UBAC2: variants seen among roughly 807,000 people sequenced by gnomAD.
UBAC2 encodes the protein ubiquitin-associated domain-containing protein 2.
Under a neutral mutation model 44.0 loss-of-function variants are expected in UBAC2, and 26 were observed. The ratio of observed to expected loss-of-function variants is 0.59; its 90% CI spans 0.43 to 0.82. UBAC2 has a LOEUF of 0.82. UBAC2 is among the 40% of genes least tolerant of loss of function. The probability of loss-of-function intolerance (pLI) is 0.00; values close to 1 mark genes in which losing one functional copy is unlikely to be tolerated. For missense variants in UBAC2, 329 were observed against 419.4 expected, an observed-to-expected ratio of 0.78 and a Z score of 1.88; for synonymous variants, 155 against 154.3, an observed-to-expected ratio of 1.00 and a Z score of -0.04.
intron 6 of UBAC2, among the ~76,000 whole-genome samples, chr13:99,319,761 A>G (rs2044544249): frequency 6.6e-6 from 1 of 152,216 alleles, no homozygotes; most frequent in South Asian, 2.1e-4. Context: ...TCCTGGGGTT[A>G]GACTGATTCT....
intron 4 of UBAC2, among the ~76,000 whole-genome samples, chr13:99,294,103 A>G (rs1002296223): frequency 6.6e-6 from 1 of 152,140 alleles, no homozygotes; most frequent in African/African-American, 2.4e-5. Context: ...GTAAGTTTGC[A>G]TTTTACTCGG....
chr13:99,227,198 CAA>C (rs561593304), intron 1 of UBAC2, among the ~76,000 whole-genome samples: 1 of 131,430 alleles, frequency 7.6e-6, no homozygotes, highest in Admixed American at 7.8e-5. Flanking sequence ...AACTCCATCT[CAA>C]AAAAAAAAAA....
chr13:99,249,958 A>G (rs1439439974), intron 4 of UBAC2, among the ~76,000 whole-genome samples: 2 of 152,188 alleles, frequency 1.3e-5, no homozygotes, highest in Non-Finnish European at 2.9e-5. Flanking sequence ...GATTCTGGAC[A>G]TTAGACCTTT....
intron 4 of UBAC2, among the ~76,000 whole-genome samples, chr13:99,264,796 TAGG>T (rs925277074): frequency 5.9e-5 from 9 of 152,186 alleles, no homozygotes; most frequent in Admixed American, 3.3e-4. Context: ...GCCGGCAGGA[TAGG>T]AGCTTGGAGG....
chr13:99,294,211 T>C (rs1040021277), intron 4 of UBAC2, among the ~76,000 whole-genome samples: 6 of 152,048 alleles, frequency 3.9e-5, no homozygotes, highest in African/African-American at 1.4e-4. Context: ...AGATGTAGAG[T>C]ACTAACAGCT....
intron 4 of UBAC2, among the ~76,000 whole-genome samples, chr13:99,273,765 C>T (rs147170172): frequency 6.6e-6 from 1 of 151,930 alleles, no homozygotes; most frequent in Non-Finnish European, 1.5e-5. Flanking sequence ...TGAATTTTTC[C>T]TGAATTATTT....
chr13:99,274,282 C>T (rs1310883718), intron 4 of UBAC2, among the ~76,000 whole-genome samples: 1 of 151,340 alleles, frequency 6.6e-6, no homozygotes, highest in Admixed American at 6.6e-5. Context: ...ATTTTTTTTC[C>T]ATTATTGGTA....
rs1466246899 is a variant in UBAC2, at chr13:99,295,441, T to C, written c.390-18656T>C. The C allele has an allele frequency of 1.9e-6, 3 of 1,614,136 alleles. No individual in the cohort carries two copies. The highest frequency in any genetic ancestry group is 1.7e-6 in the Non-Finnish European group (2 of 1,180,022). On this transcript the variant is annotated intron_variant, in intron 4 of 8. Coordinates refer to ENST00000403766, the MANE Select transcript of UBAC2 (RefSeq NM_001144072.2). This position sits in a 1 kb window ranked among gnomAD's most constrained non-coding sequence, Gnocchi z 4.1. ...TGAGAGCCTTTTTGTTTACACCAGA[T>C]TTCTCAGTGAGTGGGTTTTGTTTGG...
At position 99,295,740 on chromosome 13, in the gene UBAC2, G is replaced by A; in HGVS notation, c.390-18357G>A. 1 of 1,614,056 alleles carries A rather than the reference G, an allele frequency of 6.2e-7. No individual in the cohort carries two copies. The highest frequency in any genetic ancestry group is 8.5e-7 in the Non-Finnish European group (1 of 1,180,016). ...CTTTTTATCTTGTTGTAGCGTAGAG[G>A]GTGCACCACAGCAATGAAGCGGTCA... On this transcript the variant is annotated intron_variant, in intron 4 of 8. Coordinates refer to ENST00000403766, the MANE Select transcript of UBAC2 (RefSeq NM_001144072.2). The surrounding 1 kb of genome is among the most constrained non-coding windows in gnomAD (Gnocchi z 4.1).
intron 6 of UBAC2, among the ~76,000 whole-genome samples, chr13:99,318,654 G>A (rs1385784902): frequency 6.6e-6 from 1 of 150,842 alleles, no homozygotes; most frequent in Admixed American, 6.6e-5. Context: ...CCCCATCTCT[G>A]CTAAAAATAC....
intron 7 of UBAC2, among the ~76,000 whole-genome samples, chr13:99,366,605 G>A (rs768705603): frequency 1.2e-4 from 17 of 145,108 alleles, no homozygotes; most frequent in Non-Finnish European, 2.3e-4. Context: ...CTGTCTCCGG[G>A]GGAAGACAGG....
chr13:99,214,620 T>C (rs2042970754), intron 1 of UBAC2, among the ~76,000 whole-genome samples: 1 of 152,120 alleles, frequency 6.6e-6, no homozygotes, highest in Admixed American at 6.6e-5. Context: ...TCCTTGTCCG[T>C]TCCCCGTCAC....
In UBAC2 at chr13:99,230,398, G is replaced by A. The variant is rs568389467; in HGVS notation, c.32-8029G>A. Among the ~76,000 whole-genome samples the A allele has an allele frequency of 1.2e-4, 19 of 152,234 alleles. No homozygotes were observed. In the East Asian group the frequency reaches 3.5e-3, roughly 28 times the overall value. On this transcript the variant is annotated intron_variant, in intron 1 of 8. Transcript: ENST00000403766. ...CGAGAATTGCTTGAACCTGGGAGGC[G>A]TCAGAGGTTGCAGTGAGCTGAGATC...
chr13:99,341,104 A>G (rs901775480), intron 7 of UBAC2, among the ~76,000 whole-genome samples: 1 of 152,198 alleles, frequency 6.6e-6, no homozygotes, highest in East Asian at 1.9e-4. Context: ...TCTGCATCCA[A>G]ACAATCTGAT....
intron 4 of UBAC2, among the ~76,000 whole-genome samples, chr13:99,244,859 G>C (rs2043363092): frequency 2.0e-5 from 3 of 149,542 alleles, no homozygotes; most frequent in Admixed American, 2.0e-4. Context: ...TTGAGACGGA[G>C]TCTCGCTCTG....
intron 1 of UBAC2, among the ~76,000 whole-genome samples, chr13:99,208,700 T>C (rs2042904565): frequency 3.3e-5 from 5 of 152,294 alleles, no homozygotes; most frequent in African/African-American, 1.2e-4. Flanking sequence ...AGATTTCTTG[T>C]GTCTGACTTC....
In UBAC2 at chr13:99,244,556, CT is replaced by C. The variant is rs1466983859; in HGVS notation, c.324del (p.Leu109SerfsTer56). ...GSWVLSALFD[F>X]LLIEAMQYFF... ...CCTGGGTTTTGTCAGCCTTATTTGA[CT>C]TTCTCCTCATTGAAGCTATGCAGTA... On this transcript the variant is annotated frameshift_variant, in exon 4 of 9. Coordinates refer to ENST00000403766, the MANE Select transcript of UBAC2 (RefSeq NM_001144072.2). LOFTEE classifies it high-confidence loss of function. 1.9e-6 allele frequency: 3 copies of C among 1,613,296 alleles called. No individual in the cohort carries two copies. Among genetic ancestry groups the C allele is most frequent in the Non-Finnish European group, 1.7e-6 (2 of 1,179,544 alleles).
chr13:99,342,282 G>A (rs1371516539), intron 7 of UBAC2, among the ~76,000 whole-genome samples: 2 of 152,168 alleles, frequency 1.3e-5, no homozygotes, highest in Non-Finnish European at 2.9e-5. Flanking sequence ...AGTCCCATGC[G>A]TACGACCTCT....
At chr13:99,347,880 G>A (rs9513601) in intron 7 of UBAC2, among the ~76,000 whole-genome samples, 57,313 of 151,536 alleles carry the variant, frequency 0.38, 12,075 homozygotes, top group Non-Finnish European at 0.48. Context: ...GGGCTGCAGA[G>A]TATTAGCTGC....
Sources: allele counts gnomAD v4.1 joint callset (sites outside exome capture counted in the v4.1 genomes callset), GRCh38; gene constraint gnomAD v4.1.1; non-coding constraint Gnocchi (gnomAD v3.1); transcripts MANE v1.5; gene names NCBI Gene and HGNC (gene_info 2026-07-23, HGNC 2026-07-21).